ADCY8: variants seen among roughly 807,000 people sequenced by gnomAD.
ADCY8 encodes the protein adenylate cyclase type 8.
In ADCY8, 51 loss-of-function variants were observed where a neutral mutation model predicts 119.7. The observed-to-expected ratio is 0.43, with a 90% CI of 0.34 to 0.54. ADCY8 has a LOEUF of 0.54. ADCY8 is among the 20% of genes least tolerant of loss of function. The probability of loss-of-function intolerance (pLI) is 0.03; values close to 1 mark genes in which losing one functional copy is unlikely to be tolerated. For synonymous variants in ADCY8, 665 were observed against 651.0 expected (o/e 1.02, Z -0.33); for missense variants, 1,383 against 1,598.8 (o/e 0.87, Z 2.30).
intron 1 of ADCY8, among the ~76,000 whole-genome samples, chr8:131,010,954 C>T (rs569700526): frequency 6.6e-6 from 1 of 152,202 alleles, no homozygotes; most frequent in South Asian, 2.1e-4. Context: ...AAAACCTAAC[C>T]CCAGTGAAGC....
In ADCY8 at chr8:130,780,665, G is replaced by T; in HGVS notation, c.3481C>A (p.Gln1161Lys). 1 of 1,614,160 alleles carries T rather than the reference G, an allele frequency of 6.2e-7. No homozygotes were observed. Among genetic ancestry groups the T allele is most frequent in the Non-Finnish European group, 8.5e-7 (1 of 1,180,012 alleles). ...AAGTACGTTTTGATTTTTCCTTCCT[G>T]TTCACTGATACCCTTCACATAGATC... ...GEIYVKGISE[Q>K]EGKIKTYFLL... The change falls in exon 18 of 18, where the codon CAG (glutamine) becomes AAG (lysine). Residue 1161 changes from glutamine to lysine, a missense_variant. By Grantham distance (53) the Gln-to-Lys change is moderately conservative. This residue lies in a region of ADCY8 where 928 missense variants were observed against 1,163.5 expected (regional missense o/e 0.80). Transcript: ENST00000286355.
intron 12 of ADCY8, 123 bp from the exon 13 acceptor site, chr8:130,821,543 T>C (rs1346651239): frequency 1.4e-6 from 1 of 690,692 alleles, no homozygotes; most frequent in African/African-American, 1.8e-5. Flanking sequence ...GCACCTATTA[T>C]GTGATAGTGG....
chr8:130,814,214 GC>G lies in ADCY8; in HGVS notation c.2767del (p.Ala923ProfsTer18). The G allele has an allele frequency of 6.2e-7, 1 of 1,614,012 alleles. No individual in the cohort carries two copies. Among genetic ancestry groups the G allele is most frequent in the Non-Finnish European group, 8.5e-7 (1 of 1,180,018 alleles). ...FYHGQQLEYTARLDFLWRVQA... is the reference protein window; with the variant it reads ...FYHGQQLEYTXRLDFLWRVQA... ...TACTCGCCAAAGGAAGTCCAGGCGGGCTGTGTACTCCAGCTGCAGTACATGT... is the reference window on the plus strand; with the variant it reads ...TACTCGCCAAAGGAAGTCCAGGCGGGTGTGTACTCCAGCTGCAGTACATGT... On this transcript the variant is annotated frameshift_variant, in exon 14 of 18. Coordinates refer to ENST00000286355, the MANE Select transcript of ADCY8 (RefSeq NM_001115.3). LOFTEE classifies it high-confidence loss of function.
At chr8:131,031,578 G>C (rs1057325644) in intron 1 of ADCY8, among the ~76,000 whole-genome samples, 3 of 152,118 alleles carry the variant, frequency 2.0e-5, no homozygotes, top group Non-Finnish European at 4.4e-5. Context: ...AATGAGAGGT[G>C]TTTAGATCCT....
At chr8:130,834,202 C>T (rs1816919627) in intron 12 of ADCY8, among the ~76,000 whole-genome samples, 1 of 152,090 alleles carries the variant, frequency 6.6e-6, no homozygotes, top group Non-Finnish European at 1.5e-5. Flanking sequence ...ATAACTCTTA[C>T]AAATTCAACA....
At chr8:130,837,835 A>G (rs757721159) in intron 11 of ADCY8, among the ~76,000 whole-genome samples, 4 of 152,204 alleles carry the variant, frequency 2.6e-5, no homozygotes, top group Non-Finnish European at 5.9e-5. Flanking sequence ...CATAATTCCT[A>G]TTTTATAGGT....
chr8:130,839,759 C>T (rs1188488094), intron 11 of ADCY8, among the ~76,000 whole-genome samples: 1 of 139,780 alleles, frequency 7.2e-6, no homozygotes, highest in Non-Finnish European at 1.6e-5. Context: ...GTATAAGGGG[C>T]TCATAGGTAT....
At chr8:130,896,559 T>C (rs1031093029) in intron 7 of ADCY8, among the ~76,000 whole-genome samples, 29 of 152,142 alleles carry the variant, frequency 1.9e-4, no homozygotes, top group Non-Finnish European at 3.7e-4. Context: ...ATAATGACCA[T>C]GGTGAAAACA....
intron 1 of ADCY8, 84 bp downstream of exon 1, chr8:131,039,290 G>C: frequency 6.4e-7 from 1 of 1,552,150 alleles, no homozygotes; most frequent in Non-Finnish European, 8.7e-7. Context: ...AAGAGAGTGA[G>C]GCAACCCTGG....
At chr8:130,892,312 T>C (rs563660177) in intron 7 of ADCY8, 1 of 152,058 alleles carries the variant, frequency 6.6e-6, no homozygotes, top group Non-Finnish European at 1.5e-5. Flanking sequence ...TAGGCAGAAT[T>C]GGAAGTTTCC....
intron 14 of ADCY8, among the ~76,000 whole-genome samples, chr8:130,802,322 A>C (rs563288505): frequency 6.6e-6 from 1 of 152,166 alleles, no homozygotes; most frequent in Non-Finnish European, 1.5e-5. Flanking sequence ...TCTTCTAAAC[A>C]TATTTGCTCC....
At chr8:130,829,592 C>T (rs188146529) in intron 12 of ADCY8, among the ~76,000 whole-genome samples, 24 of 151,690 alleles carry the variant, frequency 1.6e-4, no homozygotes, top group Non-Finnish European at 2.2e-4. Flanking sequence ...GTAGATGGTT[C>T]ATGGAAGTCA....
Position 131,008,568 on chromosome 8 carries a change from T to A in ADCY8, c.961-18026A>T, listed in dbSNP as rs571607627. Reference sequence around the variant, plus strand: ...CAATTAAGCCTCTTTTCTTTATAAATTACCCAGTCTTGGGTATTTCTTCAT... The same window carrying A: ...CAATTAAGCCTCTTTTCTTTATAAAATACCCAGTCTTGGGTATTTCTTCAT... On this transcript the variant is annotated intron_variant, in intron 1 of 17. Transcript: ENST00000286355. Among the ~76,000 whole-genome samples the A allele has an allele frequency of 3.8e-3, 579 of 152,278 alleles. 1 individual carries two copies. Among genetic ancestry groups the A allele is most frequent in the African/African-American group, 0.014 (563 of 41,550 alleles).
chr8:130,822,837 A>G (rs1816560847), intron 12 of ADCY8, among the ~76,000 whole-genome samples: 1 of 152,334 alleles, frequency 6.6e-6, no homozygotes, highest in South Asian at 2.1e-4. Context: ...AGTTGAATGT[A>G]TTTAATAGTG....
intron 2 of ADCY8, among the ~76,000 whole-genome samples, chr8:130,969,400 A>G (rs1242245968): frequency 6.7e-6 from 1 of 150,116 alleles, no homozygotes; most frequent in Non-Finnish European, 1.5e-5. Flanking sequence ...CCTTAAAATA[A>G]AGCTCTCTTT....
chr8:131,006,889 G>A (rs1489302859), intron 1 of ADCY8, among the ~76,000 whole-genome samples: 1 of 152,142 alleles, frequency 6.6e-6, no homozygotes, highest in African/African-American at 2.4e-5. Flanking sequence ...TCAAACAGAG[G>A]ATTTCAGTTT....
intron 3 of ADCY8, 35 bp from the exon 4 acceptor site, chr8:130,943,497 G>GGGGGGGGACC: frequency 2.0e-6 from 1 of 491,346 alleles, no homozygotes; most frequent in Non-Finnish European, 4.2e-6. Context: ...GTGGGGGGAG[G>GGGGGGGGACC]AAGTATATTA....
At chr8:130,833,395 AT>A (rs1816897101) in intron 12 of ADCY8, among the ~76,000 whole-genome samples, 1 of 152,238 alleles carries the variant, frequency 6.6e-6, no homozygotes, top group East Asian at 1.9e-4. Flanking sequence ...TCTGAAGTTT[AT>A]AAAGAACTCT....
intron 6 of ADCY8, among the ~76,000 whole-genome samples, chr8:130,909,448 G>A (rs549638346): frequency 6.6e-6 from 1 of 152,274 alleles, no homozygotes; most frequent in East Asian, 1.9e-4. Flanking sequence ...TTGGAGATTC[G>A]AATGTGCAGC....
Sources: allele counts gnomAD v4.1 joint callset (sites outside exome capture counted in the v4.1 genomes callset), GRCh38; gene constraint gnomAD v4.1.1; regional missense constraint gnomAD v4.1.1; transcripts MANE v1.5; gene names NCBI Gene and HGNC (gene_info 2026-07-23, HGNC 2026-07-21).